Variants in SLCO3A1 observed in about 807,000 individuals in gnomAD.
SLCO3A1 encodes the protein PGE1 transporter.
A neutral mutation model predicts 63.1 loss-of-function variants in SLCO3A1; 27 were observed. The ratio of observed to expected loss-of-function variants is 0.43; its 90% CI spans 0.32 to 0.59. The LOEUF (loss-of-function observed/expected upper bound fraction) is 0.59. Among genes scored for constraint, SLCO3A1 ranks in the 20% least tolerant of loss-of-function variants. SLCO3A1 has a pLI of 0.09. For synonymous variants in SLCO3A1, 473 were observed against 409.9 expected, an observed-to-expected ratio of 1.15 and a Z score of -1.86; for missense variants, 773 against 945.8, an observed-to-expected ratio of 0.82 and a Z score of 2.40.
chr15:91,977,662 T>C (rs1317477411), intron 2 of SLCO3A1, among the ~76,000 whole-genome samples: 1 of 152,134 alleles, frequency 6.6e-6, no homozygotes, highest in Non-Finnish European at 1.5e-5. Context: ...GGGTAGAATG[T>C]ACACTGCTTG....
intron 2 of SLCO3A1, among the ~76,000 whole-genome samples, chr15:91,929,716 C>T (rs1355450172): frequency 6.6e-6 from 1 of 152,108 alleles, no homozygotes; most frequent in South Asian, 2.1e-4. Context: ...CTCTCCAGGC[C>T]CTGGCAACCA....
At chr15:92,018,672 G>A (rs894187110) in intron 2 of SLCO3A1, among the ~76,000 whole-genome samples, 7 of 152,186 alleles carry the variant, frequency 4.6e-5, no homozygotes, top group East Asian at 1.9e-4. Context: ...ACTGGCGTCC[G>A]TCGGGCCACC....
At chr15:92,022,578 T>A (rs945996270) in intron 2 of SLCO3A1, among the ~76,000 whole-genome samples, 1 of 152,160 alleles carries the variant, frequency 6.6e-6, no homozygotes, top group Admixed American at 6.5e-5. Flanking sequence ...CTAAATAAAT[T>A]TGTTATTTTG....
intron 2 of SLCO3A1, among the ~76,000 whole-genome samples, chr15:91,956,938 C>T (rs1274828708): frequency 3.8e-5 from 3 of 78,856 alleles, no homozygotes; most frequent in Non-Finnish European, 7.5e-5. Flanking sequence ...CAGGCGCGCG[C>T]CACCATGCCT....
At chr15:91,858,068 T>G (rs2141833305) in intron 1 of SLCO3A1, among the ~76,000 whole-genome samples, 1 of 152,292 alleles carries the variant, frequency 6.6e-6, no homozygotes, top group Middle Eastern at 3.4e-3. Flanking sequence ...AATAGTCAAG[T>G]GGGCTTGCAA....
At chr15:92,148,351 C>T (rs923170396) in intron 8 of SLCO3A1, among the ~76,000 whole-genome samples, 1 of 152,164 alleles carries the variant, frequency 6.6e-6, no homozygotes, top group Non-Finnish European at 1.5e-5. Context: ...CTACTTTATC[C>T]AGCTTCTCTC....
At chr15:91,901,950 G>T (rs1406511751) in intron 1 of SLCO3A1, among the ~76,000 whole-genome samples, 1 of 150,750 alleles carries the variant, frequency 6.6e-6, no homozygotes, top group Non-Finnish European at 1.5e-5. Flanking sequence ...GGACTCTATT[G>T]CATGTATATT....
At chr15:92,085,593 G>T (rs922524825) in intron 2 of SLCO3A1, among the ~76,000 whole-genome samples, 3 of 152,204 alleles carry the variant, frequency 2.0e-5, no homozygotes, top group Non-Finnish European at 4.4e-5. Flanking sequence ...AGCCATTTGT[G>T]TGTATGTACT....
chr15:92,043,606 A>T (rs1473710247), intron 2 of SLCO3A1, among the ~76,000 whole-genome samples: 2 of 152,268 alleles, frequency 1.3e-5, no homozygotes, highest in East Asian at 1.9e-4. Flanking sequence ...AATAGGCTCC[A>T]TGCATAGACA....
At chr15:92,080,606 G>T (rs892036116) in intron 2 of SLCO3A1, among the ~76,000 whole-genome samples, 2 of 152,190 alleles carry the variant, frequency 1.3e-5, no homozygotes, top group African/African-American at 4.8e-5. Flanking sequence ...TTGAAGACCA[G>T]CATAAGCAAG....
At chr15:92,040,165 G>A (rs1187051823) in intron 2 of SLCO3A1, among the ~76,000 whole-genome samples, 4 of 152,126 alleles carry the variant, frequency 2.6e-5, no homozygotes, top group Admixed American at 6.6e-5. Context: ...GTATACCTAT[G>A]TAACAAACCT....
chr15:91,887,215 AT>A (rs915996812), intron 1 of SLCO3A1, among the ~76,000 whole-genome samples: 2 of 152,036 alleles, frequency 1.3e-5, no homozygotes, highest in Non-Finnish European at 2.9e-5. Flanking sequence ...TTATTCTTCA[AT>A]GCTTTCCTTT....
At chr15:92,152,109 G>A (rs1054157508) in intron 9 of SLCO3A1, among the ~76,000 whole-genome samples, 13 of 152,194 alleles carry the variant, frequency 8.5e-5, no homozygotes, top group African/African-American at 3.1e-4. Flanking sequence ...TATCAGAAGA[G>A]TATCAGCTAT....
chr15:92,096,236 C>T lies in SLCO3A1; in HGVS notation c.745+1257C>T, dbSNP rs554446928. ...AGGGGACTACCTCACCGTGACACCC[C>T]TGAAGCAAACAACCCAAGAGAAGGT... On this transcript the variant is annotated intron_variant, in intron 3 of 9. Transcript: ENST00000318445. 1.4e-3 allele frequency among the ~76,000 whole-genome samples: 218 copies of T among 152,296 alleles called. 1 individual carries two copies. Among genetic ancestry groups the T allele is most frequent in the African/African-American group, 5.0e-3 (208 of 41,564 alleles).
At chr15:92,093,308 T>C (rs1256741370) in intron 2 of SLCO3A1, among the ~76,000 whole-genome samples, 1 of 152,170 alleles carries the variant, frequency 6.6e-6, no homozygotes, top group Admixed American at 6.5e-5. Flanking sequence ...GCACATTACG[T>C]GGCGAGAGCC....
chr15:92,120,501 C>G lies in SLCO3A1; in HGVS notation c.1046C>G (p.Pro349Arg). Reference protein sequence around the residue: ...PKVTKHLLSNPVFTCIILAAC... With the variant: ...PKVTKHLLSNRVFTCIILAAC... ...GTCACCAAGCACCTGCTCTCAAACC[C>G]TGTGTTCACCTGCATCATCCTGGCC... is the stretch of plus-strand genomic sequence containing the variant. Residue 349 changes from proline (P) to arginine (R), a missense_variant, in exon 5 of 10, where the codon CCT becomes CGT. Pro to Arg is a moderately radical substitution (Grantham distance 103). Coordinates refer to ENST00000318445, the MANE Select transcript of SLCO3A1 (RefSeq NM_013272.4). 6.2e-7 allele frequency: 1 copy of G among 1,614,208 alleles called. No individual in the cohort carries two copies.
chr15:91,939,407 A>C (rs893910915), intron 2 of SLCO3A1, among the ~76,000 whole-genome samples: 10 of 152,090 alleles, frequency 6.6e-5, no homozygotes, highest in African/African-American at 2.4e-4. Flanking sequence ...TTAACATGAG[A>C]TTTGGGTGGG....
intron 1 of SLCO3A1, among the ~76,000 whole-genome samples, chr15:91,881,237 A>G (rs1006029827): frequency 1.3e-5 from 2 of 151,758 alleles, no homozygotes; most frequent in African/African-American, 4.8e-5. Flanking sequence ...AGCAGAGGGA[A>G]TTTTTTCCTT....
intron 8 of SLCO3A1, chr15:92,149,484 A>G (rs953540175): frequency 2.0e-5 from 3 of 152,280 alleles, no homozygotes; most frequent in Non-Finnish European, 4.4e-5. Flanking sequence ...CATCCCAACA[A>G]CAGTGCTCAG....
Sources: allele counts gnomAD v4.1 joint callset (sites outside exome capture counted in the v4.1 genomes callset), GRCh38; gene constraint gnomAD v4.1.1; transcripts MANE v1.5; gene names NCBI Gene and HGNC (gene_info 2026-07-23, HGNC 2026-07-21).